PARD3B: variants seen among roughly 807,000 people sequenced by gnomAD.
PARD3B encodes the protein partitioning defective 3 homolog B.
In PARD3B, 103 loss-of-function variants were observed where a neutral mutation model predicts 130.2. That is an observed-to-expected ratio of 0.79 (90% confidence interval 0.67 to 0.93). The LOEUF (loss-of-function observed/expected upper bound fraction) is 0.93, where lower values mean the gene tolerates loss of function less well. Among genes scored for constraint, PARD3B ranks in the 40% least tolerant of loss-of-function variants. The pLI is 0.00. For synonymous variants in PARD3B, 583 were observed against 553.2 expected, an observed-to-expected ratio of 1.05 and a Z score of -0.76; for missense variants, 1,609 against 1,499.2, an observed-to-expected ratio of 1.07 and a Z score of -1.21.
chr2:204,770,308 C>T (rs992630759), intron 2 of PARD3B, among the ~76,000 whole-genome samples: 11 of 123,772 alleles, frequency 8.9e-5, no homozygotes, highest in Admixed American at 3.5e-4. Context: ...TGTAGTTGAG[C>T]GGCTTTGAGT....
At position 205,300,806 on chromosome 2, in the gene PARD3B, G is replaced by A. The variant is rs184229517; in HGVS notation, c.2392+70G>A. On this transcript the variant is annotated intron_variant, in intron 17 of 22. Coordinates refer to ENST00000406610, the MANE Select transcript of PARD3B (RefSeq NM_001302769.2). The surrounding 1 kb of genome is among the most constrained non-coding windows in gnomAD (Gnocchi z 4.1). ...ATCTGCAAATCATGGGCAAGAATGT[G>A]TGCTCAACTACAGAAAAAAATGATT... is the stretch of plus-strand genomic sequence containing the variant. 1.1e-5 allele frequency: 15 copies of A among 1,411,444 alleles called. No homozygotes were observed. In the Admixed American group the frequency reaches 3.1e-4, roughly 29 times the overall value. 87.4% of individuals were successfully genotyped at this position (1,411,444 alleles called of 1,614,324 possible).
chr2:205,432,777 A>T (rs191933791), intron 19 of PARD3B, among the ~76,000 whole-genome samples: 6 of 152,124 alleles, frequency 3.9e-5, no homozygotes, highest in African/African-American at 1.4e-4. Flanking sequence ...ATTTAATAAT[A>T]TATATTTAAT....
chr2:205,148,481 C>T (rs1469147805), intron 10 of PARD3B, among the ~76,000 whole-genome samples: 2 of 152,074 alleles, frequency 1.3e-5, no homozygotes, highest in Non-Finnish European at 2.9e-5. Flanking sequence ...GGCCAAAAAC[C>T]TTTCATGCTT....
In PARD3B at chr2:204,861,763, A is replaced by G. The variant is rs539128638; in HGVS notation, c.223-103389A>G. ...ATCTGACTGGAATTAGAGGGCTGCAAGAGGGAAGCATGCAGATAAAACGGC... is the reference window on the plus strand; with the variant it reads ...ATCTGACTGGAATTAGAGGGCTGCAGGAGGGAAGCATGCAGATAAAACGGC... On this transcript the variant is annotated intron_variant, in intron 2 of 22. Transcript: ENST00000406610. Among the ~76,000 whole-genome samples, 31 of 152,156 alleles carry G rather than the reference A, an allele frequency of 2.0e-4. 1 individual carries two copies. The South Asian group carries it at 3.5e-3, about 17-fold the overall frequency.
chr2:204,878,798 A>G (rs2045936936), intron 2 of PARD3B, among the ~76,000 whole-genome samples: 1 of 152,204 alleles, frequency 6.6e-6, no homozygotes, highest in Admixed American at 6.5e-5. Context: ...TAAGAGCAGA[A>G]CTTTTTATTG....
intron 21 of PARD3B, among the ~76,000 whole-genome samples, chr2:205,509,216 TC>T (rs1413504898): frequency 6.6e-6 from 1 of 152,004 alleles, no homozygotes; most frequent in African/African-American, 2.4e-5. Flanking sequence ...AATTGATTTT[TC>T]CCATAGGGAA....
intron 21 of PARD3B, among the ~76,000 whole-genome samples, chr2:205,542,035 C>T (rs111440095): frequency 0.12 from 18,612 of 149,924 alleles, 1,566 homozygotes; most frequent in South Asian, 0.25. Context: ...CTCAGCTACT[C>T]GGGAAGCTGA....
At chr2:205,364,682 C>T (rs2044532187) in intron 18 of PARD3B, among the ~76,000 whole-genome samples, 1 of 152,068 alleles carries the variant, frequency 6.6e-6, no homozygotes, top group African/African-American at 2.4e-5. Context: ...GTGTGGATGC[C>T]TCAAGAGGGG....
At chr2:205,332,939 G>A (rs184684667) in intron 18 of PARD3B, among the ~76,000 whole-genome samples, 6 of 152,272 alleles carry the variant, frequency 3.9e-5, no homozygotes, top group Non-Finnish European at 7.4e-5. Context: ...TCATTCCTTA[G>A]CTGTTATATA....
chr2:204,550,719 G>A (rs2030392578), intron 1 of PARD3B, among the ~76,000 whole-genome samples: 1 of 152,118 alleles, frequency 6.6e-6, no homozygotes, highest in South Asian at 2.1e-4. Context: ...ACAAGTTGAG[G>A]CAGCTTCCCA....
At chr2:205,567,733 G>A (rs1012174084) in intron 22 of PARD3B, among the ~76,000 whole-genome samples, 42 of 151,554 alleles carry the variant, frequency 2.8e-4, no homozygotes, top group African/African-American at 1.0e-3. Context: ...TCCTAGGCAG[G>A]GCTTCTCCCC....
At chr2:205,503,728 G>A (rs1176650180) in intron 21 of PARD3B, among the ~76,000 whole-genome samples, 1 of 152,106 alleles carries the variant, frequency 6.6e-6, no homozygotes, top group African/African-American at 2.4e-5. Context: ...TTGGTAGCTT[G>A]ATGGGGATGG....
chr2:204,651,645 C>A (rs181406687), intron 1 of PARD3B, among the ~76,000 whole-genome samples: 2 of 152,302 alleles, frequency 1.3e-5, no homozygotes, highest in African/African-American at 2.4e-5. Context: ...TTTCTCATAG[C>A]TCCACTATGC....
chr2:205,202,873 G>C (rs917962496), intron 15 of PARD3B, among the ~76,000 whole-genome samples: 1 of 152,088 alleles, frequency 6.6e-6, no homozygotes, highest in African/African-American at 2.4e-5. Flanking sequence ...TAGTGGACTT[G>C]AACAGTCAAT....
chr2:204,990,975 C>G (rs4675482), intron 3 of PARD3B, among the ~76,000 whole-genome samples: 12 of 152,164 alleles, frequency 7.9e-5, no homozygotes, highest in Admixed American at 7.9e-4. Flanking sequence ...TGTCATTTCT[C>G]TACAGGAACA....
chr2:205,236,456 G>A (rs2039067032), intron 15 of PARD3B, among the ~76,000 whole-genome samples: 1 of 152,038 alleles, frequency 6.6e-6, no homozygotes, highest in East Asian at 1.9e-4. Flanking sequence ...ATGAAAGACT[G>A]TGTGAAGACA....
Position 205,585,887 on chromosome 2 carries a change from C to T in PARD3B, c.3261-29569C>T, listed in dbSNP as rs189212402. 1.3e-5 allele frequency among the ~76,000 whole-genome samples: 2 copies of T among 152,242 alleles called. No individual in the cohort carries two copies. Among genetic ancestry groups the T allele is most frequent in the East Asian group, 3.9e-4 (2 of 5,174 alleles). On this transcript the variant is annotated intron_variant, in intron 22 of 22. Transcript: ENST00000406610. This position sits in a 1 kb window ranked among gnomAD's most constrained non-coding sequence, Gnocchi z 5.4. ...CCGGCCACAGCAGGTCTGGTGGTCACGGGAACCCACATCTTACATTCAACA... is the reference window on the plus strand; with the variant it reads ...CCGGCCACAGCAGGTCTGGTGGTCATGGGAACCCACATCTTACATTCAACA...
chr2:204,963,528 A>T (rs979595328), intron 2 of PARD3B, among the ~76,000 whole-genome samples: 2 of 152,174 alleles, frequency 1.3e-5, no homozygotes, highest in African/African-American at 2.4e-5. Flanking sequence ...GAACATTACT[A>T]ATATATGTTA....
chr2:205,387,518 G>A (rs2045704232), intron 18 of PARD3B, among the ~76,000 whole-genome samples: 1 of 152,176 alleles, frequency 6.6e-6, no homozygotes, highest in Admixed American at 6.5e-5. Flanking sequence ...TAGTGAGCAT[G>A]TGGAGCTCAG....
Sources: gnomAD v4.1 joint callset for allele counts (sites outside exome capture counted in the v4.1 genomes callset) on GRCh38, gnomAD v4.1.1 for gene constraint, Gnocchi (gnomAD v3.1) non-coding constraint, MANE v1.5 for transcripts, NCBI Gene and HGNC (gene_info 2026-07-23, HGNC 2026-07-21) for gene names.